Variants in CLEC12A observed in about 807,000 individuals in gnomAD.
The protein encoded by CLEC12A is C-type lectin protein CLL-1.
In CLEC12A, 22 loss-of-function variants were observed where a neutral mutation model predicts 26.5. The ratio of observed to expected loss-of-function variants is 0.83; its 90% confidence interval spans 0.59 to 1.19. CLEC12A has a LOEUF of 1.19. CLEC12A is among the 50% of genes most tolerant of loss of function. The pLI is 0.00. For missense variants in CLEC12A, 353 were observed against 315.6 expected, an observed-to-expected ratio of 1.12 and a Z score of -0.90; for synonymous variants, 119 against 101.9, an observed-to-expected ratio of 1.17 and a Z score of -1.01.
chr12:9,980,642 T>A lies in CLEC12A; in HGVS notation c.440T>A (p.Leu147Gln). ...TGGCATAAGGACAGCTGTTATTTCC[T>A]AAGTGATGATGTCCAAACATGGCAG... is the stretch of plus-strand genomic sequence containing the variant. ...WIWHKDSCYFLSDDVQTWQES... is the reference protein window; with the variant it reads ...WIWHKDSCYFQSDDVQTWQES... The change falls in exon 4 of 6, where the codon CTA becomes CAA. Residue 147 changes from leucine (L) to glutamine (Q), a missense_variant. By Grantham distance (113) the Leu-to-Gln change is moderately radical (BLOSUM62 -2). Coordinates refer to ENST00000304361, the MANE Select transcript of CLEC12A (RefSeq NM_138337.6). 1 of 1,613,858 alleles carries A rather than the reference T, an allele frequency of 6.2e-7. No homozygotes were observed. The highest frequency in any genetic ancestry group is 8.5e-7 in the Non-Finnish European group (1 of 1,179,826).
chr12:9,967,735 G>A (rs1193625468), upstream of CLEC12A, among the ~76,000 whole-genome samples: 1 of 151,654 alleles, frequency 6.6e-6, no homozygotes. Flanking sequence ...AAAAGCGGTG[G>A]GGTTCTTGCC....
downstream of CLEC12A, among the ~76,000 whole-genome samples, chr12:9,989,218 T>TG (rs1480448753): frequency 8.8e-4 from 23 of 26,230 alleles, no homozygotes; most frequent in African/African-American, 3.7e-3. Flanking sequence ...TGTTGTGGGA[T>TG]GGGGGGAGGG....
chr12:9,961,489 A>T (rs1287750647), intron 1 of CLEC12A, among the ~76,000 whole-genome samples: 1 of 152,226 alleles, frequency 6.6e-6, no homozygotes, highest in Non-Finnish European at 1.5e-5. Flanking sequence ...GAATAAAGCC[A>T]ATCCTAGTCA....
At chr12:9,980,783 G>A in intron 4 of CLEC12A, 50 bp downstream of exon 4, 1 of 1,584,068 alleles carries the variant, frequency 6.3e-7, no homozygotes, top group Non-Finnish European at 8.6e-7. Flanking sequence ...GGTGTGGCAT[G>A]TTGGAGAAGA....
downstream of CLEC12A, chr12:9,998,228 G>T: frequency 7.5e-7 from 1 of 1,331,950 alleles, no homozygotes; most frequent in South Asian, 1.2e-5. Flanking sequence ...GATATGCCAT[G>T]ACCCTTCAGT....
At chr12:9,953,579 G>A (rs1863684033) in intron 1 of CLEC12A, among the ~76,000 whole-genome samples, 1 of 151,586 alleles carries the variant, frequency 6.6e-6, no homozygotes, top group Non-Finnish European at 1.5e-5. Flanking sequence ...CCGTCCGGGA[G>A]GGAGGTGGGG....
chr12:10,000,562 C>T (rs549896117), downstream of CLEC12A, among the ~76,000 whole-genome samples: 26 of 152,188 alleles, frequency 1.7e-4, no homozygotes, highest in Admixed American at 3.9e-4. Flanking sequence ...TTTTAAAAAA[C>T]ATTAAATCCC....
intron 1 of CLEC12A, among the ~76,000 whole-genome samples, chr12:9,954,491 C>CA (rs546910635): frequency 0.063 from 9,092 of 145,084 alleles, 861 homozygotes; most frequent in African/African-American, 0.21. Context: ...GATCCTGTCT[C>CA]AAAAAAAAAA....
In CLEC12A at chr12:9,972,454, G is replaced by A. The variant is rs148807781; in HGVS notation, c.91+767G>A. On this transcript the variant is annotated intron_variant, in intron 1 of 5. Coordinates refer to ENST00000304361, the MANE Select transcript of CLEC12A (RefSeq NM_138337.6). Reference sequence around the variant, plus strand: ...TATTATGTATGGTTCTTGCCTTCTGGCTCCTAGCCTTTTGGGAGTGAAATC... The same window carrying A: ...TATTATGTATGGTTCTTGCCTTCTGACTCCTAGCCTTTTGGGAGTGAAATC... Among the ~76,000 whole-genome samples the A allele has an allele frequency of 1.4e-3, 206 of 152,154 alleles. 1 individual carries two copies. The highest frequency in any genetic ancestry group is 4.9e-3 in the African/African-American group (202 of 41,512).
At chr12:9,977,072 CTA>C (rs1864367825) in intron 1 of CLEC12A, among the ~76,000 whole-genome samples, 1 of 152,154 alleles carries the variant, frequency 6.6e-6, no homozygotes, top group Admixed American at 6.5e-5. Context: ...TGAAAATGGA[CTA>C]ATACACATGC....
the CLEC12A span, among the ~76,000 whole-genome samples, chr12:10,004,550 C>A: frequency 6.6e-6 from 1 of 151,970 alleles, no homozygotes; most frequent in Non-Finnish European, 1.5e-5. Flanking sequence ...TCTGTCATGT[C>A]ATTCCACCTT....
At chr12:9,996,483 A>G (rs1386298858), downstream of CLEC12A, among the ~76,000 whole-genome samples, 1 of 152,204 alleles carries the variant, frequency 6.6e-6, no homozygotes, top group East Asian at 1.9e-4. Context: ...ATGTAACTGG[A>G]TATCTTCCGT....
chr12:9,991,335 T>C (rs1166383809), intron 4 of CLEC12A: 1 of 152,216 alleles, frequency 6.6e-6, no homozygotes, highest in Non-Finnish European at 1.5e-5. Flanking sequence ...ATCACAGTGA[T>C]TGGCCTACAT....
upstream of CLEC12A, among the ~76,000 whole-genome samples, chr12:9,970,350 CCTGT>C (rs1444806917): frequency 1.3e-5 from 2 of 151,818 alleles, no homozygotes; most frequent in African/African-American, 4.8e-5. Flanking sequence ...TTTTGTTTTT[CCTGT>C]CTATCCTGAC....
At chr12:9,976,171 G>A (rs1203056764) in intron 1 of CLEC12A, among the ~76,000 whole-genome samples, 1 of 152,204 alleles carries the variant, frequency 6.6e-6, no homozygotes, top group Non-Finnish European at 1.5e-5. Flanking sequence ...CCCCACTGGG[G>A]TACTGTCCAG....
chr12:9,993,371 A>T (rs1864941928), intron 4 of CLEC12A: 1 of 1,018,136 alleles, frequency 9.8e-7, no homozygotes, highest in East Asian at 2.6e-5. Context: ...AGTTTGATGC[A>T]CCAAATAGAG....
At chr12:9,975,661 A>T (rs1352099941) in intron 1 of CLEC12A, among the ~76,000 whole-genome samples, 1 of 152,240 alleles carries the variant, frequency 6.6e-6, no homozygotes, top group Non-Finnish European at 1.5e-5. Flanking sequence ...CCATTTTCTG[A>T]GGAGAAATTC....
At chr12:10,002,097 G>A in the CLEC12A span, among the ~76,000 whole-genome samples, 2 of 152,086 alleles carry the variant, frequency 1.3e-5, no homozygotes, top group South Asian at 2.1e-4. Context: ...TAGTCAGGAT[G>A]GTCTTGATCT....
At chr12:9,963,230 C>T (rs1047484005) in intron 1 of CLEC12A, among the ~76,000 whole-genome samples, 4 of 152,036 alleles carry the variant, frequency 2.6e-5, no homozygotes, top group Non-Finnish European at 4.4e-5. Context: ...TAATTACTTA[C>T]TTGGTTGGCA....
Sources: allele counts gnomAD v4.1 joint callset (sites outside exome capture counted in the v4.1 genomes callset), GRCh38; gene constraint gnomAD v4.1.1; transcripts MANE v1.5; gene names NCBI Gene and HGNC (gene_info 2026-07-23, HGNC 2026-07-21).